FRY: variants seen among roughly 807,000 people sequenced by gnomAD.
The protein encoded by FRY is protein furry homolog.
A neutral mutation model predicts 348.4 loss-of-function variants in FRY; 128 were observed. The ratio of observed to expected loss-of-function variants is 0.37; its 90% CI spans 0.32 to 0.43. The LOEUF is 0.43. Among genes scored for constraint, FRY ranks in the 20% least tolerant of loss-of-function variants. The pLI is 1.00. For missense variants in FRY, 2,736 were observed against 3,695.2 expected (o/e 0.74, Z 6.73); for synonymous variants, 1,370 against 1,374.7 (o/e 1.00, Z 0.08).
chr13:32,247,283 T>A (rs776394203), intron 47 of FRY, 40 bp from the exon 48 acceptor site: 1 of 1,545,932 alleles, frequency 6.5e-7, no homozygotes, highest in Non-Finnish European at 8.9e-7. Flanking sequence ...TTTAAAAAAA[T>A]TAAATTATTT....
chr13:32,257,890 C>A, intron 51 of FRY: 1 of 1,254,186 alleles, frequency 8.0e-7, no homozygotes, highest in South Asian at 1.2e-5. Flanking sequence ...GAGAAATGTT[C>A]TTGAGTATCT....
chr13:32,130,498 G>A (rs1161786093), intron 7 of FRY, among the ~76,000 whole-genome samples: 2 of 141,366 alleles, frequency 1.4e-5, no homozygotes, highest in East Asian at 2.3e-4. Context: ...GTATTTTTTG[G>A]TGAATAGACA....
chr13:32,045,042 C>A (rs1168066119), intron 1 of FRY, among the ~76,000 whole-genome samples: 2 of 152,110 alleles, frequency 1.3e-5, no homozygotes, highest in African/African-American at 4.8e-5. Flanking sequence ...CCCGCTGGCC[C>A]CTAAGGCCAA....
At chr13:32,145,540 T>TTG (rs1048420059) in intron 11 of FRY, among the ~76,000 whole-genome samples, 10 of 97,528 alleles carry the variant, frequency 1.0e-4, no homozygotes, top group Admixed American at 2.9e-4. Flanking sequence ...TTTTTTTTTT[T>TTG]TTTTTTTTTT....
intron 7 of FRY, among the ~76,000 whole-genome samples, chr13:32,127,135 G>A (rs1879068769): frequency 1.3e-5 from 2 of 152,070 alleles, no homozygotes; most frequent in South Asian, 4.1e-4. Flanking sequence ...CCAAAATCTG[G>A]TAGATTCATT....
chr13:32,094,638 C>A (rs1048313053), intron 2 of FRY, among the ~76,000 whole-genome samples: 2 of 152,196 alleles, frequency 1.3e-5, no homozygotes, highest in African/African-American at 4.8e-5. Context: ...GCTTGGCTTA[C>A]TTCACTTAAT....
intron 19 of FRY, among the ~76,000 whole-genome samples, chr13:32,174,818 C>G (rs113091357): frequency 6.6e-6 from 1 of 151,736 alleles, no homozygotes; most frequent in Non-Finnish European, 1.5e-5. Context: ...TTATATTTTC[C>G]AATTTCTCCA....
intron 33 of FRY, 32 bp downstream of exon 33, chr13:32,209,763 A>T: frequency 6.2e-7 from 1 of 1,609,666 alleles, no homozygotes. Context: ...AAGAGTGATT[A>T]TTCCTGCAGG....
In FRY at chr13:32,211,037, A is replaced by G; in HGVS notation, c.4591+3A>G. ...CAAGGCTTCCGCAGCAGCCTCAGGTAAGAAGAGCAACCGGGCAGACACCTG... is the reference window on the plus strand; with the variant it reads ...CAAGGCTTCCGCAGCAGCCTCAGGTGAGAAGAGCAACCGGGCAGACACCTG... On this transcript the variant is annotated splice_donor_region_variant and intron_variant, in intron 34 of 60. Coordinates refer to ENST00000542859, the MANE Select transcript of FRY (RefSeq NM_023037.3). The G allele has an allele frequency of 3.1e-6, 5 of 1,613,880 alleles. No homozygotes were observed. The highest frequency in any genetic ancestry group is 4.2e-6 in the Non-Finnish European group (5 of 1,179,752).
intron 28 of FRY, among the ~76,000 whole-genome samples, chr13:32,190,576 G>A (rs544316205): frequency 1.3e-5 from 2 of 152,026 alleles, no homozygotes; most frequent in East Asian, 3.9e-4. Flanking sequence ...TTTAAAATTA[G>A]GAATTAACAT....
At chr13:32,161,341 A>C (rs1329040271) in intron 17 of FRY, 90 bp downstream of exon 17, 2 of 888,458 alleles carry the variant, frequency 2.3e-6, no homozygotes, top group Non-Finnish European at 3.8e-6. Flanking sequence ...ACAATTAACA[A>C]ATATTTACCA....
chr13:32,146,909 T>TTA (rs1414090935), intron 11 of FRY, among the ~76,000 whole-genome samples: 1 of 152,106 alleles, frequency 6.6e-6, no homozygotes, highest in Non-Finnish European at 1.5e-5. Flanking sequence ...ATCAAAACAG[T>TTA]AAGGATTTAA....
intron 36 of FRY, among the ~76,000 whole-genome samples, chr13:32,222,499 AC>A: frequency 6.6e-6 from 1 of 152,320 alleles, no homozygotes; most frequent in East Asian, 1.9e-4. Flanking sequence ...GAGGTGAGCT[AC>A]CGCGACCAGC....
At chr13:32,274,523 T>C (rs1017684293) in intron 55 of FRY, among the ~76,000 whole-genome samples, 11 of 151,252 alleles carry the variant, frequency 7.3e-5, no homozygotes, top group Non-Finnish European at 1.0e-4. Flanking sequence ...GCTAACACAG[T>C]GAAACCCCGT....
At position 32,157,362 on chromosome 13, in the gene FRY, A is replaced by T. The variant is rs1033554608; in HGVS notation, c.1741A>T (p.Thr581Ser). The T allele has an allele frequency of 6.2e-7, 1 of 1,613,292 alleles. No individual in the cohort carries two copies. The highest frequency in any genetic ancestry group is 1.7e-5 in the Admixed American group (1 of 60,000). ...DKEVGRCMML[T>S]NVQMLNKEPE... ...AGAAGTAGGAAGGTGTATGATGCTG[A>T]CTAATGTACAGATGTTAAACAAAGA... is the stretch of plus-strand genomic sequence containing the variant. The change falls in exon 16 of 61, where the codon ACT becomes TCT. Residue 581 changes from threonine to serine, a missense_variant. Physicochemically the swap from Thr to Ser is moderately conservative, Grantham distance 58 (BLOSUM62 1). Coordinates refer to ENST00000542859, the MANE Select transcript of FRY (RefSeq NM_023037.3).
At chr13:32,164,537 A>G (rs1881622309) in intron 17 of FRY, among the ~76,000 whole-genome samples, 1 of 152,186 alleles carries the variant, frequency 6.6e-6, no homozygotes, top group Non-Finnish European at 1.5e-5. Flanking sequence ...ACATGACAAC[A>G]GTGTATACAA....
chr13:32,162,798 A>G (rs758152012), intron 17 of FRY, among the ~76,000 whole-genome samples: 4 of 152,148 alleles, frequency 2.6e-5, no homozygotes, highest in Non-Finnish European at 4.4e-5. Flanking sequence ...TCTTCCTTCC[A>G]GTCCACACTT....
intron 4 of FRY, among the ~76,000 whole-genome samples, chr13:32,122,808 C>T (rs1171114445): frequency 6.6e-6 from 1 of 152,180 alleles, no homozygotes; most frequent in Non-Finnish European, 1.5e-5. Context: ...CTCCAGAAAG[C>T]TCCTAGGACT....
chr13:32,190,850 A>T (rs531640195), intron 28 of FRY, among the ~76,000 whole-genome samples: 1 of 152,312 alleles, frequency 6.6e-6, no homozygotes, highest in Admixed American at 6.5e-5. Flanking sequence ...AATAGCTAAG[A>T]TAACTTTGAA....
Sources: gnomAD v4.1 joint callset for allele counts (sites outside exome capture counted in the v4.1 genomes callset) on GRCh38, gnomAD v4.1.1 for gene constraint, MANE v1.5 for transcripts, NCBI Gene and HGNC (gene_info 2026-07-23, HGNC 2026-07-21) for gene names.